Variants in HS6ST3 observed in about 807,000 individuals in gnomAD.
The protein encoded by HS6ST3 is heparan sulfate 6-O-sulfotransferase 3.
HS6ST3 carries 12 observed loss-of-function variants against 36.7 expected under a neutral mutation model. That is an observed-to-expected ratio of 0.33 (90% CI 0.21 to 0.53). HS6ST3 has a LOEUF of 0.53. Ranked by LOEUF, HS6ST3 falls within the 20% of genes least tolerant of loss-of-function variation. The pLI, the probability that HS6ST3 is intolerant of heterozygous loss-of-function variation, is 0.95. For synonymous variants in HS6ST3, 240 were observed against 257.5 expected (o/e 0.93, Z 0.65); for missense variants, 584 against 640.9 (o/e 0.91, Z 0.96).
chr13:96,541,283 C>A (rs142648344), intron 1 of HS6ST3, among the ~76,000 whole-genome samples: 1 of 152,094 alleles, frequency 6.6e-6, no homozygotes, highest in African/African-American at 2.4e-5. Context: ...ATGATCCACC[C>A]GCCTTAGCCT....
intron 1 of HS6ST3, among the ~76,000 whole-genome samples, chr13:96,351,335 T>TTTTTTTTTTTTTTTTTTTTAAA (rs1203595829): frequency 2.7e-5 from 4 of 146,366 alleles, no homozygotes; most frequent in African/African-American, 1.0e-4. Context: ...TTTTTTTTTT[T>TTTTTTTTTTTTTTTTTTTTAAA]AAAAAAAACA....
intron 1 of HS6ST3, among the ~76,000 whole-genome samples, chr13:96,450,637 T>G (rs754455149): frequency 2.6e-5 from 4 of 152,206 alleles, no homozygotes; most frequent in Non-Finnish European, 5.9e-5. Flanking sequence ...CTTGAGCATA[T>G]AAATTGCCCC....
chr13:96,546,258 G>A (rs975844939), intron 1 of HS6ST3, among the ~76,000 whole-genome samples: 2 of 151,990 alleles, frequency 1.3e-5, no homozygotes. Flanking sequence ...AGTGGAACCT[G>A]GATAATAGAA....
chr13:96,495,532 T>C (rs927794775), intron 1 of HS6ST3, among the ~76,000 whole-genome samples: 6 of 152,202 alleles, frequency 3.9e-5, no homozygotes, highest in African/African-American at 1.4e-4. Flanking sequence ...GGGGAGATTG[T>C]TCTTTTTTTG....
At chr13:96,730,500 CCA>C (rs1876122124) in intron 1 of HS6ST3, among the ~76,000 whole-genome samples, 1 of 152,236 alleles carries the variant, frequency 6.6e-6, no homozygotes, top group Admixed American at 6.5e-5. Flanking sequence ...CTACCCTCCC[CCA>C]CAAAAATCTT....
chr13:96,634,605 A>G (rs2056542750), intron 1 of HS6ST3, among the ~76,000 whole-genome samples: 1 of 151,604 alleles, frequency 6.6e-6, no homozygotes, highest in Admixed American at 6.6e-5. Context: ...ATTAGCTATT[A>G]CTCTACATTG....
intron 1 of HS6ST3, among the ~76,000 whole-genome samples, chr13:96,253,572 A>G (rs75332198): frequency 2.0e-3 from 299 of 152,194 alleles, no homozygotes; most frequent in African/African-American, 6.7e-3. Context: ...GGTCACCAAA[A>G]TCAGTATTTC....
At chr13:96,526,976 A>G (rs780576048) in intron 1 of HS6ST3, among the ~76,000 whole-genome samples, 1 of 152,252 alleles carries the variant, frequency 6.6e-6, no homozygotes, top group African/African-American at 2.4e-5. Context: ...TTGAAATTAT[A>G]TAATATTTTA....
rs903508837 is a variant in HS6ST3, at chr13:96,779,772, A to T, written c.708-52718A>T. Among the ~76,000 whole-genome samples the T allele has an allele frequency of 7.1e-3, 1,062 of 150,410 alleles. 11 individuals are homozygous for T. The highest frequency in any genetic ancestry group is 0.025 in the African/African-American group (1,003 of 40,788). On this transcript the variant is annotated intron_variant, in intron 1 of 1. Coordinates refer to ENST00000376705, the MANE Select transcript of HS6ST3 (RefSeq NM_153456.4). ...AGATTAAGCATGTATATTTACTTAAAAAAAAAAAAAAAAACATTGTTCTTA... is the reference window on the plus strand; with the variant it reads ...AGATTAAGCATGTATATTTACTTAATAAAAAAAAAAAAAACATTGTTCTTA...
chr13:96,793,554 G>T (rs1264908737), intron 1 of HS6ST3, among the ~76,000 whole-genome samples: 1 of 152,196 alleles, frequency 6.6e-6, no homozygotes, highest in African/African-American at 2.4e-5. Flanking sequence ...ATTAGAGAAG[G>T]AGGGTTGGTG....
At chr13:96,292,469 A>G (rs1254815174) in intron 1 of HS6ST3, among the ~76,000 whole-genome samples, 2 of 152,106 alleles carry the variant, frequency 1.3e-5, no homozygotes, top group African/African-American at 4.8e-5. Context: ...AATTAAAAGT[A>G]CTTTATTAAA....
At chr13:96,317,724 G>GTTT (rs397938253) in intron 1 of HS6ST3, among the ~76,000 whole-genome samples, 6 of 144,252 alleles carry the variant, frequency 4.2e-5, no homozygotes, top group Non-Finnish European at 9.1e-5. Flanking sequence ...GCCAGCATCT[G>GTTT]TTTTTTTTTT....
intron 1 of HS6ST3, among the ~76,000 whole-genome samples, chr13:96,666,600 T>C (rs1051343584): frequency 2.6e-5 from 4 of 152,182 alleles, no homozygotes; most frequent in Admixed American, 6.5e-5. Context: ...CACTTGATAC[T>C]TCATTTAGCA....
intron 1 of HS6ST3, among the ~76,000 whole-genome samples, chr13:96,193,728 A>G (rs958512818): frequency 1.6e-4 from 24 of 152,346 alleles, no homozygotes; most frequent in Admixed American, 6.5e-4. Flanking sequence ...AAGAGTTGGC[A>G]GTTGCTTTGA....
chr13:96,274,178 A>G (rs375071442), intron 1 of HS6ST3, among the ~76,000 whole-genome samples: 4 of 151,554 alleles, frequency 2.6e-5, no homozygotes, highest in African/African-American at 9.7e-5. Flanking sequence ...CAGTGGTATA[A>G]AATATGGCCA....
intron 1 of HS6ST3, among the ~76,000 whole-genome samples, chr13:96,441,266 G>T (rs2055669595): frequency 6.6e-6 from 1 of 151,888 alleles, no homozygotes; most frequent in Non-Finnish European, 1.5e-5. Context: ...CTAAGATAAA[G>T]ACTTGAAAAA....
At chr13:96,152,956 C>T (rs577754280) in intron 1 of HS6ST3, among the ~76,000 whole-genome samples, 1 of 152,256 alleles carries the variant, frequency 6.6e-6, no homozygotes, top group South Asian at 2.1e-4. Context: ...GCACGCTGTT[C>T]GCATTCATTG....
intron 1 of HS6ST3, among the ~76,000 whole-genome samples, chr13:96,191,281 G>C (rs996190971): frequency 6.6e-6 from 1 of 152,032 alleles, no homozygotes; most frequent in Non-Finnish European, 1.5e-5. Context: ...ATGCAACTTT[G>C]ATCAAGTCCA....
At chr13:96,159,717 C>T (rs1274748399) in intron 1 of HS6ST3, among the ~76,000 whole-genome samples, 1 of 152,162 alleles carries the variant, frequency 6.6e-6, no homozygotes, top group African/African-American at 2.4e-5. Flanking sequence ...ATCTAATGTT[C>T]ATTGTATGAG....
Sources: gnomAD v4.1 joint callset for allele counts (sites outside exome capture counted in the v4.1 genomes callset) on GRCh38, gnomAD v4.1.1 for gene constraint, MANE v1.5 for transcripts, NCBI Gene and HGNC (gene_info 2026-07-23, HGNC 2026-07-21) for gene names.